CPQ: variants seen among roughly 807,000 people sequenced by gnomAD.
CPQ encodes the protein carboxypeptidase Q, also known as Ser-Met dipeptidase.
A neutral mutation model predicts 45.7 loss-of-function variants in CPQ; 37 were observed. The observed-to-expected ratio is 0.81, with a 90% CI of 0.62 to 1.07. The LOEUF is 1.07. Ranked by LOEUF, CPQ falls within the 50% of genes least tolerant of loss-of-function variation. The pLI, the probability that CPQ is intolerant of heterozygous loss-of-function variation, is 0.00. For missense variants in CPQ, 537 were observed against 572.9 expected, an observed-to-expected ratio of 0.94 and a Z score of 0.64; for synonymous variants, 186 against 205.8, an observed-to-expected ratio of 0.90 and a Z score of 0.82.
At chr8:96,687,735 T>C (rs1453904862) in intron 1 of CPQ, among the ~76,000 whole-genome samples, 2 of 152,174 alleles carry the variant, frequency 1.3e-5, no homozygotes, top group Admixed American at 1.3e-4. Flanking sequence ...ATTTTATATT[T>C]GATGCAAAAC....
chr8:96,726,101 G>A (rs1201326898), intron 1 of CPQ, among the ~76,000 whole-genome samples: 1 of 152,132 alleles, frequency 6.6e-6, no homozygotes, highest in African/African-American at 2.4e-5. Context: ...TGGGTAGAGA[G>A]GCAGGGGGTC....
intron 1 of CPQ, among the ~76,000 whole-genome samples, chr8:96,709,068 A>C (rs890746673): frequency 4.6e-5 from 7 of 152,006 alleles, no homozygotes; most frequent in Non-Finnish European, 8.8e-5. Context: ...ATTGTTCTTT[A>C]TGTATGTTCA....
At position 96,879,896 on chromosome 8, in the gene CPQ, C is replaced by CAT. The variant is rs1563519525; in HGVS notation, c.740_741insAT (p.His248PhefsTer10). On this transcript the variant is annotated frameshift_variant, in exon 4 of 8. Transcript: ENST00000220763. LOFTEE classifies it high-confidence loss of function. ...GCAGAAATGATGTCAAGAATGGCTT[C>CAT]TCATGGGATCAAAATTGTCATTCAG... is the stretch of plus-strand genomic sequence containing the variant. 1.9e-6 allele frequency: 3 copies of CAT among 1,614,044 alleles called. No individual in the cohort carries two copies. Among genetic ancestry groups the CAT allele is most frequent in the Non-Finnish European group, 2.5e-6 (3 of 1,179,984 alleles).
intron 4 of CPQ, among the ~76,000 whole-genome samples, chr8:96,897,598 T>A (rs2130894139): frequency 6.6e-6 from 1 of 152,334 alleles, no homozygotes; most frequent in Non-Finnish European, 1.5e-5. Flanking sequence ...TAAAAATTTG[T>A]ATGAAATTAT....
intron 4 of CPQ, among the ~76,000 whole-genome samples, chr8:96,924,192 T>A (rs1240764965): frequency 6.6e-6 from 1 of 152,138 alleles, no homozygotes; most frequent in African/African-American, 2.4e-5. Flanking sequence ...TGGTGGTGAT[T>A]CCATAGCATC....
intron 1 of CPQ, among the ~76,000 whole-genome samples, chr8:96,733,816 T>C (rs530782381): frequency 2.0e-5 from 3 of 152,326 alleles, no homozygotes; most frequent in Admixed American, 6.5e-5. Context: ...GCAGGCCATA[T>C]TGAAGTGCTC....
At chr8:96,914,628 G>C (rs367621180) in intron 4 of CPQ, among the ~76,000 whole-genome samples, 136 of 152,080 alleles carry the variant, frequency 8.9e-4, no homozygotes, top group African/African-American at 3.1e-3. Context: ...ATACATCCTT[G>C]GTCCTACTTT....
intron 7 of CPQ, among the ~76,000 whole-genome samples, chr8:97,136,270 T>C (rs1211737601): frequency 1.3e-5 from 2 of 152,158 alleles, no homozygotes; most frequent in African/African-American, 4.8e-5. Context: ...TAGACTAGAA[T>C]CACAGACCAG....
intron 2 of CPQ, among the ~76,000 whole-genome samples, chr8:96,802,902 G>A (rs62507343): frequency 2.0e-5 from 3 of 151,904 alleles, no homozygotes; most frequent in Admixed American, 6.6e-5. Context: ...ATTATCCTAC[G>A]AAGACTTAAG....
intron 5 of CPQ, among the ~76,000 whole-genome samples, chr8:97,025,735 G>A (rs543892682): frequency 6.6e-6 from 1 of 152,134 alleles, no homozygotes; most frequent in African/African-American, 2.4e-5. Context: ...TACTGCTTTA[G>A]TATTGTTGTT....
At chr8:96,762,480 TG>T (rs1810417014) in intron 1 of CPQ, among the ~76,000 whole-genome samples, 1 of 152,218 alleles carries the variant, frequency 6.6e-6, no homozygotes, top group Non-Finnish European at 1.5e-5. Context: ...GTTACTATTT[TG>T]GGCAGATCCA....
intron 6 of CPQ, among the ~76,000 whole-genome samples, chr8:97,042,394 T>C (rs1409115900): frequency 3.3e-5 from 5 of 152,114 alleles, no homozygotes; most frequent in African/African-American, 7.2e-5. Flanking sequence ...TTATTAGTCT[T>C]GCTAGCAGTC....
At chr8:96,984,011 C>CT (rs906220698) in intron 5 of CPQ, among the ~76,000 whole-genome samples, 1 of 151,854 alleles carries the variant, frequency 6.6e-6, no homozygotes, top group Non-Finnish European at 1.5e-5. Context: ...TATTTTGCTC[C>CT]TTTTTTTCTC....
chr8:96,954,619 A>C (rs988978381), intron 4 of CPQ, among the ~76,000 whole-genome samples: 3 of 152,020 alleles, frequency 2.0e-5, no homozygotes, highest in African/African-American at 4.8e-5. Context: ...ATTATACTTT[A>C]AGTTTTAGGG....
intron 2 of CPQ, among the ~76,000 whole-genome samples, chr8:96,808,198 A>G (rs1408218591): frequency 1.3e-5 from 2 of 152,228 alleles, no homozygotes. Flanking sequence ...TTGTGACTAT[A>G]TAGCTATATT....
intron 2 of CPQ, among the ~76,000 whole-genome samples, chr8:96,794,399 G>A (rs563725842): frequency 1.1e-3 from 166 of 152,256 alleles, no homozygotes; most frequent in African/African-American, 3.8e-3. Flanking sequence ...CGACTGGAAC[G>A]CAGGTCACCA....
At chr8:97,031,188 CTT>C (rs36087951) in intron 6 of CPQ, among the ~76,000 whole-genome samples, 6 of 130,596 alleles carry the variant, frequency 4.6e-5, no homozygotes, top group Admixed American at 7.8e-5. Context: ...AAGAACTATT[CTT>C]TTTTTTTTTT....
At chr8:96,879,547 T>G (rs185128566) in intron 3 of CPQ, among the ~76,000 whole-genome samples, 1 of 152,338 alleles carries the variant, frequency 6.6e-6, no homozygotes, top group African/African-American at 2.4e-5. Flanking sequence ...AATTTGCAAC[T>G]TTGAAGGATA....
intron 7 of CPQ, among the ~76,000 whole-genome samples, chr8:97,093,884 G>C (rs1260927197): frequency 2.0e-5 from 3 of 152,124 alleles, no homozygotes; most frequent in Non-Finnish European, 4.4e-5. Flanking sequence ...ACATCACTGG[G>C]ATCAGAATGG....
Sources: gnomAD v4.1 joint callset for allele counts (sites outside exome capture counted in the v4.1 genomes callset) on GRCh38, gnomAD v4.1.1 for gene constraint, MANE v1.5 for transcripts, NCBI Gene and HGNC (gene_info 2026-07-23, HGNC 2026-07-21) for gene names.